The following SPATS2 variants were observed in gnomAD, a reference collection of about 807,000 sequenced individuals.
SPATS2 encodes the protein spermatogenesis associated serine rich 2.
In SPATS2, 38 loss-of-function variants were observed where a neutral mutation model predicts 63.7. That is an observed-to-expected ratio of 0.60 (90% confidence interval 0.46 to 0.78). The LOEUF (loss-of-function observed/expected upper bound fraction) is 0.78, where lower values mean the gene tolerates loss of function less well. Ranked by LOEUF, SPATS2 falls within the 30% of genes least tolerant of loss-of-function variation. SPATS2 has a pLI of 0.00. For missense variants in SPATS2, 588 were observed against 666.2 expected (o/e 0.88, Z 1.29); for synonymous variants, 207 against 232.9 (o/e 0.89, Z 1.01).
chr12:49,484,467 C>A, intron 3 of SPATS2, 123 bp from the exon 4 acceptor site: 2 of 811,216 alleles, frequency 2.5e-6, no homozygotes, highest in South Asian at 3.7e-5. Flanking sequence ...CAGAATTTGC[C>A]AAATAGCAAC....
At chr12:49,505,886 T>C (rs1946646769) in intron 9 of SPATS2, among the ~76,000 whole-genome samples, 1 of 152,256 alleles carries the variant, frequency 6.6e-6, no homozygotes, top group South Asian at 2.1e-4. Context: ...GGCTAGAGAC[T>C]GTTGGTACAT....
chr12:49,490,806 G>T (rs1946369431), intron 6 of SPATS2, 75 bp downstream of exon 6: 8 of 1,374,686 alleles, frequency 5.8e-6, no homozygotes, highest in Non-Finnish European at 1.0e-6. Context: ...AAAAATATTT[G>T]AAAGAAAAGG....
At chr12:49,420,538 G>C (rs922701149) in intron 2 of SPATS2, among the ~76,000 whole-genome samples, 1 of 152,078 alleles carries the variant, frequency 6.6e-6, no homozygotes, top group Non-Finnish European at 1.5e-5. Context: ...AGGTTGCAGT[G>C]AGCCACTGCA....
intron 3 of SPATS2, chr12:49,469,472 A>C: frequency 2.6e-6 from 1 of 381,062 alleles, no homozygotes; most frequent in South Asian, 1.9e-5. Flanking sequence ...AGGCAGGGGA[A>C]TCACTCAAGC....
At chr12:49,411,531 G>A (rs1325834372) in intron 2 of SPATS2, among the ~76,000 whole-genome samples, 1 of 152,108 alleles carries the variant, frequency 6.6e-6, no homozygotes, top group Non-Finnish European at 1.5e-5. Flanking sequence ...GTAGACTTGG[G>A]TATCTGCATG....
At chr12:49,487,204 G>C (rs1355631109) in intron 4 of SPATS2, among the ~76,000 whole-genome samples, 2 of 152,002 alleles carry the variant, frequency 1.3e-5, no homozygotes, top group Admixed American at 1.3e-4. Context: ...AAAGTCAGTG[G>C]GGCCAGGCGC....
At chr12:49,515,202 G>GA (rs1273169680) in intron 10 of SPATS2, among the ~76,000 whole-genome samples, 3 of 152,142 alleles carry the variant, frequency 2.0e-5, no homozygotes, top group African/African-American at 7.2e-5. Flanking sequence ...GTTTTGTACA[G>GA]AAAAAACAGA....
At chr12:49,407,373 T>C (rs11609027) in intron 2 of SPATS2, among the ~76,000 whole-genome samples, 14,017 of 152,196 alleles carry the variant, frequency 0.092, 753 homozygotes, top group African/African-American at 0.14. Context: ...GAGTAAAAGC[T>C]AAAGTTGTGA....
At chr12:49,403,015 G>C (rs1592363696) in intron 2 of SPATS2, among the ~76,000 whole-genome samples, 1 of 152,116 alleles carries the variant, frequency 6.6e-6, no homozygotes, top group African/African-American at 2.4e-5. Flanking sequence ...ATGATGCAAA[G>C]ATTTCAGGAA....
chr12:49,465,007 C>T (rs916167648), intron 3 of SPATS2, among the ~76,000 whole-genome samples: 67 of 152,252 alleles, frequency 4.4e-4, no homozygotes, highest in African/African-American at 1.5e-3. Flanking sequence ...GGCTTCTTTT[C>T]ACTTAGTGTA....
intron 2 of SPATS2, among the ~76,000 whole-genome samples, chr12:49,374,209 C>T (rs1209127764): frequency 1.3e-5 from 2 of 152,086 alleles, no homozygotes; most frequent in Admixed American, 6.5e-5. Context: ...TAGTTCACTG[C>T]GTCCTTGAAC....
intron 2 of SPATS2, among the ~76,000 whole-genome samples, chr12:49,423,016 A>AT (rs1256834879): frequency 6.6e-6 from 1 of 152,114 alleles, no homozygotes; most frequent in Non-Finnish European, 1.5e-5. Flanking sequence ...TTCTACTCCA[A>AT]TAAGTATTAC....
In SPATS2 at chr12:49,382,229, C is replaced by T. The variant is rs148605970; in HGVS notation, c.-244+10939C>T. 1.9e-3 allele frequency among the ~76,000 whole-genome samples: 295 copies of T among 152,322 alleles called. 1 individual carries two copies. The highest frequency in any genetic ancestry group is 6.7e-3 in the African/African-American group (280 of 41,566). ...TGCTTTTAGCCATTAAAATCTGTTA[C>T]ATCTGTTACATACTTTCACAATAGC... is the stretch of plus-strand genomic sequence containing the variant. On this transcript the variant is annotated intron_variant, in intron 2 of 13. Transcript: ENST00000552918.
At chr12:49,393,135 TTTAA>T (rs1944448969) in intron 2 of SPATS2, among the ~76,000 whole-genome samples, 1 of 152,202 alleles carries the variant, frequency 6.6e-6, no homozygotes, top group Non-Finnish European at 1.5e-5. Flanking sequence ...CGTATTTTTT[TTTAA>T]TTGTGGACAT....
intron 2 of SPATS2, among the ~76,000 whole-genome samples, chr12:49,397,592 C>T (rs1944532765): frequency 6.6e-6 from 1 of 151,862 alleles, no homozygotes; most frequent in South Asian, 2.1e-4. Context: ...CTTTGGCAGG[C>T]TAAGATGGGA....
chr12:49,411,840 G>T (rs1944802671), intron 2 of SPATS2, among the ~76,000 whole-genome samples: 1 of 152,132 alleles, frequency 6.6e-6, no homozygotes, highest in Admixed American at 6.5e-5. Context: ...CTGCCATTCT[G>T]CTGGGGCCAA....
Position 49,526,066 on chromosome 12 carries a change from A to G in SPATS2, c.1449A>G (p.Ser483=), listed in dbSNP as rs964581605. 2.5e-6 allele frequency: 4 copies of G among 1,614,136 alleles called. No homozygotes were observed. The African/African-American group carries it at 4.0e-5, about 16-fold the overall frequency. Residue 483 remains serine, a synonymous_variant, in exon 14 of 14, where the codon TCA becomes TCG. Coordinates refer to ENST00000552918, the MANE Select transcript of SPATS2 (RefSeq NM_023071.4). ...MGRYRNSSWY[S]SGSRYQSAPS... is the part of the protein sequence containing the mutation. The stretch of plus-strand genomic sequence containing the variant: ...GTTACAGAAACAGCTCGTGGTATTC[A>G]TCTGGTTCCAGGTATCAGAGTGCTC...
At chr12:49,446,260 AT>A (rs781188501) in intron 2 of SPATS2, among the ~76,000 whole-genome samples, 2 of 152,086 alleles carry the variant, frequency 1.3e-5, no homozygotes, top group Non-Finnish European at 2.9e-5. Context: ...GGAAACATGG[AT>A]TTTTTTAGTT....
intron 2 of SPATS2, among the ~76,000 whole-genome samples, chr12:49,410,323 A>T (rs558253945): frequency 3.3e-5 from 5 of 151,912 alleles, no homozygotes; most frequent in African/African-American, 1.2e-4. Context: ...TGATCCGCCC[A>T]CCTCGGCCTC....
Sources: allele counts gnomAD v4.1 joint callset (sites outside exome capture counted in the v4.1 genomes callset), GRCh38; gene constraint gnomAD v4.1.1; transcripts MANE v1.5; gene names NCBI Gene and HGNC (gene_info 2026-07-23, HGNC 2026-07-21).